Variants in UGT1A5 observed in about 807,000 individuals in gnomAD.
The protein encoded by UGT1A5 is UDP glucuronosyltransferase family 1 member A5, also known as UDP-glucuronosyltransferase 1A5.
UGT1A5 carries 29 observed loss-of-function variants against 40.3 expected under a neutral mutation model. The ratio of observed to expected loss-of-function variants is 0.72; its 90% CI spans 0.54 to 0.98. The LOEUF (loss-of-function observed/expected upper bound fraction) is 0.98, where lower values mean the gene tolerates loss of function less well. Ranked by LOEUF, UGT1A5 falls within the 50% of genes least tolerant of loss-of-function variation. The pLI is 0.00. For synonymous variants in UGT1A5, 257 were observed against 262.5 expected (o/e 0.98, Z 0.20); for missense variants, 678 against 677.9 (o/e 1.00, Z 0.00).
intron 1 of UGT1A5, chr2:233,741,852 C>A (rs961100244): frequency 4.0e-5 from 6 of 151,852 alleles, no homozygotes; most frequent in Admixed American, 6.5e-5. Flanking sequence ...TGCTCTCATG[C>A]CTTATGCAAA....
At chr2:233,767,258 C>A in intron 2 of UGT1A5, 93 bp downstream of exon 2, 1 of 1,592,782 alleles carries the variant, frequency 6.3e-7, no homozygotes, top group Non-Finnish European at 8.5e-7. Flanking sequence ...TTAATTGGAA[C>A]CTTAGATTTG....
At chr2:233,719,389 C>A (rs1343929267) in intron 1 of UGT1A5, 1 of 1,613,916 alleles carries the variant, frequency 6.2e-7, no homozygotes, top group Admixed American at 1.7e-5. Flanking sequence ...TGTCCAAATC[C>A]TTCCTCCTAT....
intron 1 of UGT1A5, chr2:233,743,999 G>C (rs981482683): frequency 6.6e-6 from 8 of 1,219,924 alleles, no homozygotes; most frequent in African/African-American, 3.2e-5. Flanking sequence ...CCGAGTGCTC[G>C]GAGACCTGGG....
chr2:233,716,488 C>A (rs371843932), intron 1 of UGT1A5, among the ~76,000 whole-genome samples: 1 of 152,184 alleles, frequency 6.6e-6, no homozygotes, highest in Non-Finnish European at 1.5e-5. Context: ...CCGTAGTCTT[C>A]TATTCTCCAG....
chr2:233,761,565 G>T (rs1015510791), intron 1 of UGT1A5, among the ~76,000 whole-genome samples: 1 of 152,250 alleles, frequency 6.6e-6, no homozygotes, highest in African/African-American at 2.4e-5. Context: ...TCCTGGAAAT[G>T]AAAGTTGCCT....
intron 1 of UGT1A5, among the ~76,000 whole-genome samples, chr2:233,744,672 T>G (rs778668144): frequency 6.6e-6 from 1 of 151,884 alleles, no homozygotes; most frequent in Non-Finnish European, 1.5e-5. Context: ...ATATTACACA[T>G]CACCCATGTA....
At chr2:233,763,181 G>A (rs1559409754) in intron 1 of UGT1A5, among the ~76,000 whole-genome samples, 1 of 152,170 alleles carries the variant, frequency 6.6e-6, no homozygotes. Flanking sequence ...CTACATATTT[G>A]TTGTTGCCTT....
intron 1 of UGT1A5, chr2:233,760,819 A>C (rs1210599713): frequency 1.2e-6 from 2 of 1,613,450 alleles, no homozygotes. Context: ...ACTGCCATGC[A>C]GCCTGGAATT....
intron 1 of UGT1A5, chr2:233,729,060 A>T: frequency 1.9e-6 from 3 of 1,610,660 alleles, no homozygotes; most frequent in Non-Finnish European, 2.5e-6. Context: ...GGTAATTAAG[A>T]TGAAGAAAGC....
intron 1 of UGT1A5, among the ~76,000 whole-genome samples, chr2:233,745,130 TG>T (rs1693021871): frequency 6.6e-6 from 1 of 151,922 alleles, no homozygotes; most frequent in Admixed American, 6.5e-5. Flanking sequence ...AATCTGCAGA[TG>T]TGAAGCCCAA....
At chr2:233,724,373 G>A (rs2077243992) in intron 1 of UGT1A5, among the ~76,000 whole-genome samples, 1 of 147,660 alleles carries the variant, frequency 6.8e-6, no homozygotes, top group African/African-American at 2.5e-5. Flanking sequence ...CGGGGTGGCT[G>A]CCGGGCGGAG....
intron 1 of UGT1A5, among the ~76,000 whole-genome samples, chr2:233,749,291 C>G (rs28900384): frequency 0.034 from 5,146 of 151,834 alleles, 168 homozygotes; most frequent in African/African-American, 0.052. Context: ...TGTAGTTATT[C>G]AATTATAAAA....
intron 1 of UGT1A5, among the ~76,000 whole-genome samples, chr2:233,751,652 T>C (rs1459670013): frequency 2.0e-5 from 3 of 152,194 alleles, no homozygotes; most frequent in Non-Finnish European, 2.9e-5. Context: ...GCTGTTCTCA[T>C]CCTACTGAGT....
At chr2:233,718,974 C>T (rs1346744859) in intron 1 of UGT1A5, 1 of 1,614,236 alleles carries the variant, frequency 6.2e-7, no homozygotes, top group South Asian at 1.1e-5. Flanking sequence ...GCGGGAGCTC[C>T]ATGCCAGAGG....
intron 1 of UGT1A5, among the ~76,000 whole-genome samples, chr2:233,740,331 G>GA (rs1691368430): frequency 6.6e-6 from 1 of 151,940 alleles, no homozygotes; most frequent in African/African-American, 2.4e-5. Context: ...CATTTATTGA[G>GA]AAAGTTGATG....
At position 233,769,432 on chromosome 2, in the gene UGT1A5, C is replaced by T; in HGVS notation, c.1307+993C>T. On this transcript the variant is annotated intron_variant, in intron 4 of 4. Transcript: ENST00000373414. The surrounding 1 kb of genome is among the most constrained non-coding windows in gnomAD (Gnocchi z 4.4). Reference sequence around the variant, plus strand: ...GTGCGTTTGTGCATGTGGCTGTGCTCATGTGTGGGTGCACACGTGTGCATT... The same window carrying T: ...GTGCGTTTGTGCATGTGGCTGTGCTTATGTGTGGGTGCACACGTGTGCATT... 2 of 1,545,990 alleles carry T rather than the reference C, an allele frequency of 1.3e-6. No homozygotes were observed. The highest frequency in any genetic ancestry group is 1.8e-6 in the Non-Finnish European group (2 of 1,125,632).
At chr2:233,743,099 A>T (rs1692202324) in intron 1 of UGT1A5, 1 of 352,144 alleles carries the variant, frequency 2.8e-6, no homozygotes, top group Non-Finnish European at 5.6e-6. Flanking sequence ...ATTCTTGGGT[A>T]CAGCTGTTCT....
At chr2:233,744,235 A>C (rs943816403) in intron 1 of UGT1A5, among the ~76,000 whole-genome samples, 3 of 151,766 alleles carry the variant, frequency 2.0e-5, no homozygotes, top group African/African-American at 4.9e-5. Flanking sequence ...GAGGGCCTTG[A>C]CTTTGGCTGC....
intron 1 of UGT1A5, among the ~76,000 whole-genome samples, chr2:233,715,257 C>G (rs193085198): frequency 6.6e-6 from 1 of 152,042 alleles, no homozygotes; most frequent in Admixed American, 6.5e-5. Flanking sequence ...TTAAAAAATC[C>G]CCTTACATAA....
Sources: gnomAD v4.1 joint callset for allele counts (sites outside exome capture counted in the v4.1 genomes callset) on GRCh38, gnomAD v4.1.1 for gene constraint, Gnocchi (gnomAD v3.1) non-coding constraint, MANE v1.5 for transcripts, NCBI Gene and HGNC (gene_info 2026-07-23, HGNC 2026-07-21) for gene names.